Variants in CCDC3 observed in about 807,000 individuals in gnomAD.
CCDC3 encodes coiled-coil domain containing 3.
Under a neutral mutation model 21.4 loss-of-function variants are expected in CCDC3, and 24 were observed. The observed-to-expected ratio is 1.12, with a 90% confidence interval of 0.81 to 1.58. The LOEUF (loss-of-function observed/expected upper bound fraction) is 1.58. Among genes scored for constraint, CCDC3 ranks in the 40% most tolerant of loss-of-function variants. CCDC3 has a pLI of 0.00. For synonymous variants in CCDC3, 186 were observed against 166.0 expected, an observed-to-expected ratio of 1.12 and a Z score of -0.93; for missense variants, 425 against 360.9, an observed-to-expected ratio of 1.18 and a Z score of -1.44.
At chr10:12,993,984 C>T (rs1447922635) in intron 2 of CCDC3, among the ~76,000 whole-genome samples, 4 of 152,168 alleles carry the variant, frequency 2.6e-5, no homozygotes, top group African/African-American at 9.7e-5. Context: ...CCTAGAGTCC[C>T]AGATCCTCCA....
intron 4 of CCDC3, among the ~76,000 whole-genome samples, chr10:13,054,132 G>A (rs944451650): frequency 7.0e-6 from 1 of 143,098 alleles, no homozygotes; most frequent in African/African-American, 2.6e-5. Flanking sequence ...GTGACAGAGA[G>A]AGAGAGAGAG....
intron 2 of CCDC3, among the ~76,000 whole-genome samples, chr10:12,911,405 T>C (rs565965349): frequency 6.6e-6 from 1 of 152,316 alleles, no homozygotes; most frequent in South Asian, 2.1e-4. Context: ...AAAGCTAATA[T>C]ACGCTAATGT....
Position 12,898,690 on chromosome 10 carries a change from A to G in CCDC3, c.550-11T>C. 6.2e-7 allele frequency: 1 copy of G among 1,613,618 alleles called. No individual in the cohort carries two copies. Among genetic ancestry groups the G allele is most frequent in the Non-Finnish European group, 8.5e-7 (1 of 1,179,562 alleles). ...CGAGGAGCACATGAGCTGGAGGCAG[A>G]GACAGCGTGCAAGGAGAGGAGGTGA... is the stretch of plus-strand genomic sequence containing the variant. On this transcript the variant is annotated splice_polypyrimidine_tract_variant and intron_variant, in intron 2 of 2. Transcript: ENST00000378825.
At position 12,896,684 on chromosome 10, in the gene CCDC3, G is replaced by A. The variant is rs1318617253; in HGVS notation, c.*1732C>T. ...AAGCAGAACAGTATGCACCTGTAGG[G>A]GTGTAGCTTCCATGGTTCTCCAAGC... On this transcript the variant is annotated 3_prime_UTR_variant, in exon 3 of 3. Transcript: ENST00000378825. 2.0e-5 allele frequency: 3 copies of A among 152,690 alleles called. No individual in the cohort carries two copies. The highest frequency in any genetic ancestry group is 2.0e-4 in the Admixed American group (3 of 15,288). 9.5% of individuals were successfully genotyped at this position (152,690 alleles called of 1,614,324 possible).
chr10:12,937,813 C>T (rs1198700835), intron 2 of CCDC3, among the ~76,000 whole-genome samples: 1 of 152,160 alleles, frequency 6.6e-6, no homozygotes, highest in Non-Finnish European at 1.5e-5. Context: ...ACTACGGTCC[C>T]CTTACAAGAG....
At chr10:13,065,485 A>C (rs1004305472) in intron 4 of CCDC3, among the ~76,000 whole-genome samples, 4 of 152,202 alleles carry the variant, frequency 2.6e-5, no homozygotes, top group Non-Finnish European at 5.9e-5. Context: ...CTTGGAAGGT[A>C]GTTAATGAGA....
intron 2 of CCDC3, among the ~76,000 whole-genome samples, chr10:12,928,956 G>A (rs1482868828): frequency 6.6e-6 from 1 of 152,120 alleles, no homozygotes; most frequent in Non-Finnish European, 1.5e-5. Flanking sequence ...GGGCAACTGG[G>A]ATCACCAGAC....
chr10:12,922,730 T>A (rs1834471634), intron 2 of CCDC3, among the ~76,000 whole-genome samples: 1 of 152,110 alleles, frequency 6.6e-6, no homozygotes, highest in African/African-American at 2.4e-5. Flanking sequence ...ATTGTAGGAA[T>A]CTGGCTGTTT....
At chr10:13,047,103 G>A (rs1416923925) in intron 5 of CCDC3, among the ~76,000 whole-genome samples, 1 of 152,206 alleles carries the variant, frequency 6.6e-6, no homozygotes, top group African/African-American at 2.4e-5. Flanking sequence ...AGAACAGAGA[G>A]ACTCCATTTA....
intron 2 of CCDC3, among the ~76,000 whole-genome samples, chr10:12,953,730 C>G (rs1234942449): frequency 1.3e-5 from 2 of 152,154 alleles, no homozygotes; most frequent in Admixed American, 1.3e-4. Context: ...GGCACTCGGC[C>G]CCAGGCAATG....
intron 2 of CCDC3, among the ~76,000 whole-genome samples, chr10:12,937,775 T>C (rs1834763911): frequency 6.6e-6 from 1 of 152,176 alleles, no homozygotes; most frequent in South Asian, 2.1e-4. Flanking sequence ...GGAAAACATG[T>C]TCATTGTCCT....
At chr10:12,908,343 C>T (rs1379831580) in intron 2 of CCDC3, among the ~76,000 whole-genome samples, 1 of 152,188 alleles carries the variant, frequency 6.6e-6, no homozygotes, top group Non-Finnish European at 1.5e-5. Context: ...CTTTGTTTTA[C>T]CCCAGATCTC....
At chr10:12,909,131 T>G (rs1009728362) in intron 2 of CCDC3, among the ~76,000 whole-genome samples, 1 of 152,182 alleles carries the variant, frequency 6.6e-6, no homozygotes, top group Non-Finnish European at 1.5e-5. Context: ...TCTGCTTGTT[T>G]AGTCAAAGCC....
At chr10:12,975,513 G>A (rs1835404227) in intron 2 of CCDC3, among the ~76,000 whole-genome samples, 1 of 152,142 alleles carries the variant, frequency 6.6e-6, no homozygotes, top group African/African-American at 2.4e-5. Context: ...TGAGAGGAAG[G>A]ATGGGCAAAT....
intron 2 of CCDC3, among the ~76,000 whole-genome samples, chr10:12,948,607 CAAAT>C (rs1834958803): frequency 6.6e-6 from 1 of 151,504 alleles, no homozygotes; most frequent in Non-Finnish European, 1.5e-5. Flanking sequence ...GAGTCATTGT[CAAAT>C]AGAGTTTGCC....
chr10:13,010,942 G>A (rs1052326208), intron 5 of CCDC3, among the ~76,000 whole-genome samples: 6 of 152,166 alleles, frequency 3.9e-5, no homozygotes, highest in Non-Finnish European at 7.3e-5. Flanking sequence ...AGCACTTTGC[G>A]AGGCCGAGGT....
chr10:12,989,514 C>T (rs1201618507), intron 2 of CCDC3, among the ~76,000 whole-genome samples: 2 of 152,180 alleles, frequency 1.3e-5, no homozygotes, highest in African/African-American at 2.4e-5. Flanking sequence ...CTCCACCTCC[C>T]GGGTTCAAGC....
At chr10:12,933,854 A>G (rs1279864413) in intron 2 of CCDC3, among the ~76,000 whole-genome samples, 1 of 152,188 alleles carries the variant, frequency 6.6e-6, no homozygotes, top group Non-Finnish European at 1.5e-5. Context: ...TTTTCCTATA[A>G]TTAACCTGGA....
At chr10:13,080,853 G>C (rs1837030528) in intron 3 of CCDC3, among the ~76,000 whole-genome samples, 1 of 152,246 alleles carries the variant, frequency 6.6e-6, no homozygotes, top group Non-Finnish European at 1.5e-5. Flanking sequence ...CCAGACAGTG[G>C]GGGCTTGGGC....
Sources: allele counts gnomAD v4.1 joint callset (sites outside exome capture counted in the v4.1 genomes callset), GRCh38; gene constraint gnomAD v4.1.1; transcripts MANE v1.5; gene names NCBI Gene and HGNC (gene_info 2026-07-23, HGNC 2026-07-21).